Variants in TRIP12 observed in about 807,000 individuals in gnomAD.
TRIP12 encodes E3 ubiquitin-protein ligase TRIP12.
A neutral mutation model predicts 244.2 loss-of-function variants in TRIP12; 25 were observed. That is an observed-to-expected ratio of 0.10 (90% CI 0.07 to 0.14). The LOEUF (loss-of-function observed/expected upper bound fraction) is 0.14, where lower values mean the gene tolerates loss of function less well. Ranked by LOEUF, TRIP12 falls within the 10% of genes least tolerant of loss-of-function variation. The pLI is 1.00. For missense variants in TRIP12, 1,677 were observed against 2,486.4 expected (o/e 0.67, Z 6.92); for synonymous variants, 905 against 873.1 (o/e 1.04, Z -0.64).
At chr2:229,830,318 T>C (rs1374292150) in intron 7 of TRIP12, among the ~76,000 whole-genome samples, 1 of 152,178 alleles carries the variant, frequency 6.6e-6, no homozygotes, top group Non-Finnish European at 1.5e-5. Context: ...AGTCCGACCT[T>C]GGTGATGGCC....
chr2:229,872,474 G>A (rs1328244414), intron 2 of TRIP12, among the ~76,000 whole-genome samples: 1 of 152,004 alleles, frequency 6.6e-6, no homozygotes, highest in African/African-American at 2.4e-5. Flanking sequence ...TGAAGGAGGA[G>A]AACTGCTTGA....
At chr2:229,865,328 AAAAAAAAAAAAAAAAGAAAG>A (rs1202075373) in intron 2 of TRIP12, among the ~76,000 whole-genome samples, 2 of 53,524 alleles carry the variant, frequency 3.7e-5, no homozygotes, top group Non-Finnish European at 4.8e-5. Flanking sequence ...CAAAAAAAAA[AAAAAAAAAAAAAAAAGAAAG>A]AAAGAAAGCA....
chr2:229,906,042 C>T (rs770106967), intron 1 of TRIP12, among the ~76,000 whole-genome samples: 7 of 152,292 alleles, frequency 4.6e-5, no homozygotes, highest in Middle Eastern at 3.4e-3. Flanking sequence ...CAGTGGCTCA[C>T]GCCTGTAATC....
Position 229,806,692 on chromosome 2 carries a change from C to T in TRIP12, c.2497-809G>A, listed in dbSNP as rs186649339. On this transcript the variant is annotated intron_variant, in intron 17 of 41. Transcript: ENST00000675903. ...CTTATATATAATGCTGCACAGAAGA[C>T]CAGTCAAAGTCAATTTTCTCATAAA... Among the ~76,000 whole-genome samples, 166 of 152,230 alleles carry T rather than the reference C, an allele frequency of 1.1e-3. 2 individuals are homozygous for T. The highest frequency in any genetic ancestry group is 2.0e-3 in the Non-Finnish European group (135 of 68,012).
intron 4 of TRIP12, among the ~76,000 whole-genome samples, chr2:229,854,642 C>T (rs1460950473): frequency 1.3e-5 from 2 of 152,206 alleles, no homozygotes; most frequent in African/African-American, 4.8e-5. Context: ...ATTACCTGAA[C>T]CCAGAGACAA....
At chr2:229,900,565 A>G (rs150860025) in intron 1 of TRIP12, among the ~76,000 whole-genome samples, 1 of 152,292 alleles carries the variant, frequency 6.6e-6, no homozygotes, top group East Asian at 1.9e-4. Flanking sequence ...ATTTAACCTA[A>G]AAGTTAATAG....
intron 39 of TRIP12, among the ~76,000 whole-genome samples, chr2:229,770,578 G>C (rs2033880386): frequency 6.6e-6 from 1 of 152,236 alleles, no homozygotes; most frequent in Non-Finnish European, 1.5e-5. Flanking sequence ...ACACATTCTA[G>C]AGGCTTTCTG....
At position 229,778,826 on chromosome 2, in the gene TRIP12, A is replaced by G. The variant is rs959797264; in HGVS notation, c.5209+50T>C. 7.8e-6 allele frequency: 12 copies of G among 1,528,800 alleles called. No individual in the cohort carries two copies. Among genetic ancestry groups the G allele is most frequent in the Non-Finnish European group, 1.1e-5 (12 of 1,104,148 alleles). The allele number at this position is 1,528,800 out of a possible 1,614,324, so 94.7% of individuals were successfully genotyped here. A position where few individuals can be genotyped will look rare whatever the true frequency, so the allele number is the denominator to read the frequency against. On this transcript the variant is annotated intron_variant, in intron 35 of 41. Transcript: ENST00000675903. The surrounding 1 kb of genome is among the most constrained non-coding windows in gnomAD (Gnocchi z 4.1). ...TATGTCTAATAAACTGTCAGAGTCC[A>G]TTACCTGATCTGAGTAACACAAACC... is the stretch of plus-strand genomic sequence containing the variant.
chr2:229,770,200 C>G (rs1216022069), intron 39 of TRIP12, among the ~76,000 whole-genome samples: 1 of 152,138 alleles, frequency 6.6e-6, no homozygotes, highest in Non-Finnish European at 1.5e-5. Flanking sequence ...AATTTCCGAG[C>G]TCAAGTGATC....
intron 1 of TRIP12, among the ~76,000 whole-genome samples, chr2:229,918,233 G>A (rs2154382869): frequency 6.6e-6 from 1 of 152,304 alleles, no homozygotes; most frequent in South Asian, 2.1e-4. Flanking sequence ...CATAGTGGGT[G>A]CTTGCTTGAT....
Position 229,796,741 on chromosome 2 carries a change from T to C in TRIP12, c.3666A>G (p.Ile1222Met), listed in dbSNP as rs763328011. ...GAECLVEIRS[I>M]VSESDVSSFE... ...ATGATGAAACATCTGACTCTGAGAC[T>C]ATGCTACGGATTTCTACAAGGCACT... Residue 1222 changes from isoleucine to methionine, a missense_variant, in exon 25 of 42, where the codon ATA becomes ATG. Ile to Met is a conservative substitution (Grantham distance 10). Coordinates refer to ENST00000675903, the MANE Select transcript of TRIP12 (RefSeq NM_001348323.3). 14 of 1,603,912 alleles carry C rather than the reference T, an allele frequency of 8.7e-6. No homozygotes were observed. The highest frequency in any genetic ancestry group is 1.2e-5 in the Non-Finnish European group (14 of 1,177,184).
chr2:229,832,437 G>A (rs2053689559), intron 6 of TRIP12, among the ~76,000 whole-genome samples: 1 of 152,202 alleles, frequency 6.6e-6, no homozygotes, highest in African/African-American at 2.4e-5. Flanking sequence ...GAGCCATAGA[G>A]AGACAGATTA....
chr2:229,804,036 G>A lies in TRIP12; in HGVS notation c.2842C>T (p.Leu948Phe). ...TGATTTTTCAGAACATCCTTCAGAAGTTCAGCATCCGCAAAATAAATTATC... is the reference window on the plus strand; with the variant it reads ...TGATTTTTCAGAACATCCTTCAGAAATTCAGCATCCGCAAAATAAATTATC... The part of the protein sequence containing the change: ...LRIIYFADAE[L>F]LKDVLKNHAV... Residue 948 changes from leucine (L) to phenylalanine (F), a missense_variant, in exon 19 of 42, where the codon CTT becomes TTT. Physicochemically the swap from Leu to Phe is conservative, Grantham distance 22. Coordinates refer to ENST00000675903, the MANE Select transcript of TRIP12 (RefSeq NM_001348323.3). 1 of 1,613,954 alleles carries A rather than the reference G, an allele frequency of 6.2e-7. No individual in the cohort carries two copies. The highest frequency in any genetic ancestry group is 8.5e-7 in the Non-Finnish European group (1 of 1,179,962).
intron 1 of TRIP12, among the ~76,000 whole-genome samples, chr2:229,891,661 A>G (rs1216424311): frequency 6.6e-6 from 1 of 151,938 alleles, no homozygotes; most frequent in African/African-American, 2.4e-5. Flanking sequence ...CAAAATAACT[A>G]TTTTTCTAGT....
intron 1 of TRIP12, among the ~76,000 whole-genome samples, chr2:229,918,911 G>A (rs945037814): frequency 1.3e-5 from 2 of 151,948 alleles, no homozygotes; most frequent in Non-Finnish European, 2.9e-5. Context: ...CAACCACCCA[G>A]TGAGGTAAAA....
chr2:229,818,240 T>C (rs2154287092), intron 9 of TRIP12, 124 bp downstream of exon 9: 1 of 1,056,230 alleles, frequency 9.5e-7, no homozygotes, highest in Non-Finnish European at 1.4e-6. Context: ...CCAAGTCATA[T>C]ACTCCTCTCT....
At chr2:229,894,088 G>C (rs114673513) in intron 1 of TRIP12, among the ~76,000 whole-genome samples, 124 of 152,296 alleles carry the variant, frequency 8.1e-4, no homozygotes, top group Middle Eastern at 3.4e-3. Context: ...CTGAGGGATG[G>C]AGGCTGCAGC....
At chr2:229,866,333 T>C (rs1175158930) in intron 2 of TRIP12, among the ~76,000 whole-genome samples, 1 of 152,232 alleles carries the variant, frequency 6.6e-6, no homozygotes, top group African/African-American at 2.4e-5. Flanking sequence ...TTTAAGTCCA[T>C]TGTTGTAACT....
chr2:229,906,724 CA>C (rs796721054), intron 1 of TRIP12, among the ~76,000 whole-genome samples: 196 of 68,208 alleles, frequency 2.9e-3, no homozygotes, highest in Non-Finnish European at 3.5e-3. Flanking sequence ...CACCTCAAAA[CA>C]AAAAAAAAAA....
Sources: gnomAD v4.1 joint callset for allele counts (sites outside exome capture counted in the v4.1 genomes callset) on GRCh38, gnomAD v4.1.1 for gene constraint, Gnocchi (gnomAD v3.1) non-coding constraint, MANE v1.5 for transcripts, NCBI Gene and HGNC (gene_info 2026-07-23, HGNC 2026-07-21) for gene names.